The following OR1L8 variants were observed in gnomAD, a reference collection of about 807,000 sequenced individuals.
OR1L8 encodes olfactory receptor 1L8.
For synonymous variants in OR1L8, 148 were observed against 147.0 expected (o/e 1.01, Z -0.05); for missense variants, 330 against 377.4 (o/e 0.87, Z 1.04).
chr9:122,569,858 T>A (rs1829508914), intron 4 of OR1L8, among the ~76,000 whole-genome samples: 1 of 139,986 alleles, frequency 7.1e-6, no homozygotes, highest in Admixed American at 7.5e-5. Context: ...GTCCCCAGAG[T>A]GTGATGTTCC....
chr9:122,553,614 T>C, the OR1L8 span: 2 of 1,614,122 alleles, frequency 1.2e-6, no homozygotes, highest in African/African-American at 1.3e-5. Flanking sequence ...ACCACTCCAT[T>C]ACAGCACATC....
intron 3 of OR1L8, among the ~76,000 whole-genome samples, chr9:122,575,003 C>T (rs1215709028): frequency 6.6e-6 from 1 of 151,898 alleles, no homozygotes; most frequent in East Asian, 1.9e-4. Flanking sequence ...ATTACAATAA[C>T]TGATTTTGGA....
downstream of OR1L8, chr9:122,567,112 A>G (rs1181701338): frequency 6.6e-6 from 1 of 152,560 alleles, no homozygotes; most frequent in Non-Finnish European, 1.5e-5. Flanking sequence ...GCTAAAATAT[A>G]TATCCTCCTC....
the OR1L8 span, chr9:122,554,258 A>G: frequency 2.1e-6 from 2 of 946,902 alleles, no homozygotes; most frequent in Non-Finnish European, 3.2e-6. Flanking sequence ...TATTAGGGGA[A>G]GGTTATCCGT....
At chr9:122,553,690 T>C in the OR1L8 span, 1 of 1,614,096 alleles carries the variant, frequency 6.2e-7, no homozygotes, top group Non-Finnish European at 8.5e-7. Context: ...TGTCCTGCCC[T>C]GATGCACACA....
At chr9:122,565,579 C>T (rs1428671073), downstream of OR1L8, among the ~76,000 whole-genome samples, 2 of 152,164 alleles carry the variant, frequency 1.3e-5, no homozygotes, top group African/African-American at 4.8e-5. Context: ...CCCAATGGCA[C>T]CATTCCCAAG....
chr9:122,576,979 A>T (rs1190143595), intron 2 of OR1L8, 78 bp from the exon 3 acceptor site: 1 of 152,166 alleles, frequency 6.6e-6, no homozygotes, highest in South Asian at 2.1e-4. Context: ...AGATCCATAC[A>T]TGTTGGACCA....
downstream of OR1L8, among the ~76,000 whole-genome samples, chr9:122,566,520 G>A (rs1386288190): frequency 1.3e-5 from 2 of 152,070 alleles, no homozygotes; most frequent in Non-Finnish European, 2.9e-5. Context: ...GCTTTTCAAG[G>A]AAGCAGTAAA....
chr9:122,549,660 T>C, the OR1L8 span, among the ~76,000 whole-genome samples: 13 of 152,316 alleles, frequency 8.5e-5, no homozygotes, highest in Non-Finnish European at 1.0e-4. Flanking sequence ...TTGTCAAATA[T>C]CAGTTGGCTG....
intron 1 of OR1L8, among the ~76,000 whole-genome samples, chr9:122,582,780 TAAC>T (rs1829753708): frequency 6.6e-6 from 1 of 151,686 alleles, no homozygotes; most frequent in Admixed American, 6.6e-5. Flanking sequence ...TTAGCAGAAA[TAAC>T]AACAGAATGA....
Position 122,568,374 on chromosome 9 carries a change from A to C in OR1L8, c.104T>G (p.Val35Gly), listed in dbSNP as rs1247474506. 6.2e-6 allele frequency: 10 copies of C among 1,613,806 alleles called. No homozygotes were observed. The South Asian group carries it at 1.1e-4, about 18-fold the overall frequency. The change falls in exon 5 of 5, where the codon GTG becomes GGG. Residue 35 changes from valine to glycine, a missense_variant. By Grantham distance (109) the Val-to-Gly change is moderately radical (BLOSUM62 -3). Transcript: ENST00000641027. ...QKTLFVLFLI[V>G]YLVTITGNLL... ...GTTCCCTGTTATGGTGACCAGGTACACGATGAGGAAGAGAACAAAGAGTGT... is the reference window on the plus strand; with the variant it reads ...GTTCCCTGTTATGGTGACCAGGTACCCGATGAGGAAGAGAACAAAGAGTGT...
chr9:122,553,127 A>T, the OR1L8 span: 1 of 1,421,224 alleles, frequency 7.0e-7, no homozygotes, highest in African/African-American at 1.4e-5. Context: ...CTGGCCACAC[A>T]GATGCATATC....
chr9:122,556,950 T>C, the OR1L8 span, among the ~76,000 whole-genome samples: 1 of 152,156 alleles, frequency 6.6e-6, no homozygotes, highest in Non-Finnish European at 1.5e-5. Context: ...GTTTTTCTCA[T>C]ATTAATCTTG....
chr9:122,563,184 A>T (rs111628218), downstream of OR1L8, among the ~76,000 whole-genome samples: 4,379 of 149,398 alleles, frequency 0.029, 193 homozygotes, highest in African/African-American at 0.097. Context: ...AGCATTTGTT[A>T]TTTTTTTTTT....
the OR1L8 span, among the ~76,000 whole-genome samples, chr9:122,561,208 G>C: frequency 6.6e-6 from 1 of 151,920 alleles, no homozygotes; most frequent in African/African-American, 2.4e-5. Flanking sequence ...CATCATTTAT[G>C]TTCCTGATTG....
chr9:122,553,631 T>G, the OR1L8 span: 1 of 1,613,918 alleles, frequency 6.2e-7, no homozygotes, highest in Non-Finnish European at 8.5e-7. Context: ...CATCTATGAG[T>G]CCCCAGCTCT....
rs532350180 is a variant in OR1L8, at chr9:122,578,649, A to G, written c.-599-204T>C. Among the ~76,000 whole-genome samples, 341 of 152,188 alleles carry G rather than the reference A, an allele frequency of 2.2e-3. 3 individuals carry two copies. Among genetic ancestry groups the G allele is most frequent in the African/African-American group, 7.7e-3 (318 of 41,520 alleles). On this transcript the variant is annotated intron_variant, in intron 1 of 4. Coordinates refer to ENST00000641027, the MANE Select transcript of OR1L8 (RefSeq NM_001004454.2). ...AAAAAGGAACAAAATAATGGCATTC[A>G]CGGCAACCTGGATGGAACTGGAGAC...
intron 1 of OR1L8, among the ~76,000 whole-genome samples, chr9:122,579,391 C>G (rs1477057684): frequency 6.6e-6 from 1 of 151,920 alleles, no homozygotes; most frequent in Non-Finnish European, 1.5e-5. Context: ...TAATACCTAT[C>G]CCTTGTCTGG....
rs969365369 is a variant in OR1L8 at position 122,578,325 on chromosome 9, T to A, written c.-479A>T. On this transcript the variant is annotated splice_region_variant and 5_prime_UTR_variant, in exon 2 of 5. The change creates a premature stop within an existing upstream ORF in the 5' untranslated region. Transcript: ENST00000641027. ...TTAGCTGGTCATGGTGGCAGTCACC[T>A]GTAATCCCAGATACTCGGGAGGCTG... The A allele has an allele frequency of 6.6e-6, 1 of 152,132 alleles. No individual in the cohort carries two copies. Among genetic ancestry groups the A allele is most frequent in the African/African-American group, 2.4e-5 (1 of 41,348 alleles). 9.4% of individuals were successfully genotyped at this position (152,132 alleles called of 1,614,324 possible). A position where few individuals can be genotyped will look rare whatever the true frequency, so the allele number is the denominator to read the frequency against.
Sources: gnomAD v4.1 joint callset for allele counts (sites outside exome capture counted in the v4.1 genomes callset) on GRCh38, gnomAD v4.1.1 for gene constraint, MANE v1.5 for transcripts, NCBI Gene and HGNC (gene_info 2026-07-23, HGNC 2026-07-21) for gene names.